GRM8: variants seen among roughly 807,000 people sequenced by gnomAD.
The protein encoded by GRM8 is metabotropic glutamate receptor 8.
GRM8 carries 47 observed loss-of-function variants against 87.2 expected under a neutral mutation model. The ratio of observed to expected loss-of-function variants is 0.54; its 90% CI spans 0.43 to 0.69. The LOEUF (loss-of-function observed/expected upper bound fraction) is 0.69, where lower values mean the gene tolerates loss of function less well. GRM8 is among the 30% of genes least tolerant of loss of function. GRM8 has a pLI of 0.00. For missense variants in GRM8, 1,019 were observed against 1,139.2 expected (o/e 0.89, Z 1.52); for synonymous variants, 396 against 404.5 (o/e 0.98, Z 0.25).
intron 3 of GRM8, among the ~76,000 whole-genome samples, chr7:126,996,565 C>T (rs1353466658): frequency 6.6e-6 from 1 of 151,930 alleles, no homozygotes; most frequent in East Asian, 1.9e-4. Flanking sequence ...CATACTTCAA[C>T]TATAAAGATA....
At chr7:126,511,410 T>C (rs1243821387) in intron 9 of GRM8, 2 of 152,130 alleles carry the variant, frequency 1.3e-5, no homozygotes. Flanking sequence ...AATAAAAACA[T>C]CCTCAACAAA....
At chr7:126,453,190 T>C (rs576974566) in intron 9 of GRM8, among the ~76,000 whole-genome samples, 1 of 151,388 alleles carries the variant, frequency 6.6e-6, no homozygotes, top group Admixed American at 6.6e-5. Flanking sequence ...CAGCAAAGAA[T>C]TATAGTCCAA....
intron 7 of GRM8, among the ~76,000 whole-genome samples, chr7:126,658,161 T>C (rs1804746204): frequency 6.6e-6 from 1 of 152,118 alleles, no homozygotes; most frequent in South Asian, 2.1e-4. Context: ...TTCAGCTGAG[T>C]GAAGTTGATG....
intron 6 of GRM8, among the ~76,000 whole-genome samples, chr7:126,845,469 G>A (rs1314140090): frequency 6.6e-6 from 1 of 151,972 alleles, no homozygotes; most frequent in African/African-American, 2.4e-5. Flanking sequence ...AAAAATAAAG[G>A]ATACTTATCA....
chr7:126,542,920 A>G (rs1816714201), intron 8 of GRM8, among the ~76,000 whole-genome samples: 1 of 152,230 alleles, frequency 6.6e-6, no homozygotes, highest in Non-Finnish European at 1.5e-5. Context: ...AGAAGATAGG[A>G]TAGATTTGAG....
intron 1 of GRM8, among the ~76,000 whole-genome samples, chr7:127,248,693 G>C (rs1798704237): frequency 6.6e-6 from 1 of 152,148 alleles, no homozygotes; most frequent in Non-Finnish European, 1.5e-5. Context: ...GAATGCACAG[G>C]GATACTATTA....
intron 3 of GRM8, among the ~76,000 whole-genome samples, chr7:127,026,088 G>A (rs1456731755): frequency 2.0e-5 from 3 of 152,054 alleles, no homozygotes; most frequent in Non-Finnish European, 4.4e-5. Flanking sequence ...AGTTATGAGT[G>A]AGAACATGTG....
intron 2 of GRM8, among the ~76,000 whole-genome samples, chr7:127,195,847 G>T (rs1013377512): frequency 6.6e-6 from 1 of 152,068 alleles, no homozygotes; most frequent in East Asian, 1.9e-4. Context: ...AAAATGCCTG[G>T]TTTTTATCTT....
intron 7 of GRM8, among the ~76,000 whole-genome samples, chr7:126,741,469 A>G (rs778715572): frequency 2.6e-5 from 4 of 152,140 alleles, no homozygotes; most frequent in Admixed American, 2.0e-4. Context: ...GCAAGGGTAG[A>G]GAATTTTGTA....
chr7:126,719,291 T>C (rs1812110741), intron 7 of GRM8, among the ~76,000 whole-genome samples: 1 of 152,236 alleles, frequency 6.6e-6, no homozygotes. Context: ...TACTGAGTGA[T>C]ATAAAAGGAT....
chr7:127,169,031 A>C (rs1793626222), intron 2 of GRM8, among the ~76,000 whole-genome samples: 1 of 151,994 alleles, frequency 6.6e-6, no homozygotes, highest in Non-Finnish European at 1.5e-5. Context: ...ACTTTTAATA[A>C]AATGTTTTAT....
chr7:126,673,672 G>A (rs1481575368), intron 7 of GRM8, among the ~76,000 whole-genome samples: 5 of 152,146 alleles, frequency 3.3e-5, no homozygotes, highest in African/African-American at 9.7e-5. Flanking sequence ...AATTCGTCAT[G>A]GTAGATGCTG....
intron 7 of GRM8, among the ~76,000 whole-genome samples, chr7:126,645,689 G>A (rs1397469902): frequency 6.6e-6 from 1 of 152,208 alleles, no homozygotes; most frequent in African/African-American, 2.4e-5. Context: ...TTTTTCTGGT[G>A]AGGGAAAGAG....
At chr7:127,240,055 TAGCAAGA>T (rs2116862334) in intron 2 of GRM8, among the ~76,000 whole-genome samples, 2 of 152,248 alleles carry the variant, frequency 1.3e-5, no homozygotes, top group South Asian at 4.2e-4. Flanking sequence ...CAGTTAAGGG[TAGCAAGA>T]GCTGCCCTTT....
chr7:126,464,344 T>C (rs1259857706), intron 9 of GRM8, among the ~76,000 whole-genome samples: 1 of 151,710 alleles, frequency 6.6e-6, no homozygotes, highest in Non-Finnish European at 1.5e-5. Context: ...TGCATCTTTA[T>C]GGTGAAGTGT....
At chr7:126,803,725 A>C (rs1021940030) in intron 6 of GRM8, among the ~76,000 whole-genome samples, 13 of 152,248 alleles carry the variant, frequency 8.5e-5, no homozygotes, top group African/African-American at 3.1e-4. Context: ...ACAATGGTCA[A>C]GAACTCCAGC....
intron 8 of GRM8, among the ~76,000 whole-genome samples, chr7:126,596,148 C>G (rs1438604357): frequency 6.6e-6 from 1 of 152,124 alleles, no homozygotes; most frequent in Non-Finnish European, 1.5e-5. Flanking sequence ...AAAACCAAAA[C>G]TATATTCCTT....
chr7:126,454,766 C>A (rs575153187), intron 9 of GRM8, among the ~76,000 whole-genome samples: 2 of 151,596 alleles, frequency 1.3e-5, no homozygotes, highest in African/African-American at 4.8e-5. Context: ...AGGAAAATCA[C>A]GTGATAACAC....
At chr7:126,738,688 A>C (rs1814530092) in intron 7 of GRM8, among the ~76,000 whole-genome samples, 1 of 108,734 alleles carries the variant, frequency 9.2e-6, no homozygotes, top group Non-Finnish European at 1.8e-5. Context: ...CAAGATTACC[A>C]GTGTGGGGGG....
Sources: gnomAD v4.1 joint callset for allele counts (sites outside exome capture counted in the v4.1 genomes callset) on GRCh38, gnomAD v4.1.1 for gene constraint, MANE v1.5 for transcripts, NCBI Gene and HGNC (gene_info 2026-07-23, HGNC 2026-07-21) for gene names.